The following SAXO1 variants were observed in gnomAD, a reference collection of about 807,000 sequenced individuals.
SAXO1 encodes the protein stabilizer of axonemal microtubules 1.
Under a neutral mutation model 17.5 loss-of-function variants are expected in SAXO1, and 21 were observed. The observed-to-expected ratio is 1.20, with a 90% confidence interval of 0.85 to 1.72. The LOEUF (loss-of-function observed/expected upper bound fraction) is 1.72, where lower values mean the gene tolerates loss of function less well. Among genes scored for constraint, SAXO1 ranks in the 40% most tolerant of loss-of-function variants. The pLI, the probability that SAXO1 is intolerant of heterozygous loss-of-function variation, is 0.00. For synonymous variants in SAXO1, 274 were observed against 216.5 expected, an observed-to-expected ratio of 1.27 and a Z score of -2.33; for missense variants, 843 against 596.0, an observed-to-expected ratio of 1.41 and a Z score of -4.32.
chr9:19,039,856 G>T (rs1416407330), intron 1 of SAXO1, among the ~76,000 whole-genome samples: 2 of 152,120 alleles, frequency 1.3e-5, no homozygotes, highest in African/African-American at 4.8e-5. Flanking sequence ...AGCCTCCCCA[G>T]TAGGTGGGAT....
chr9:18,969,392 C>T lies in SAXO1; in HGVS notation c.39-18455G>A, dbSNP rs1458414365. On this transcript the variant is annotated intron_variant, in intron 1 of 3. Transcript: ENST00000380534. ...AAGCAATCTAGGACCCTGTGAATTT[C>T]GGATGAAACCCAACAGCTGTGCTAA... 2.0e-5 allele frequency among the ~76,000 whole-genome samples: 3 copies of T among 152,136 alleles called. No homozygotes were observed. In the East Asian group the frequency reaches 5.8e-4, roughly 29 times the overall value.
chr9:18,997,830 T>C (rs1834072182), intron 1 of SAXO1, among the ~76,000 whole-genome samples: 1 of 152,186 alleles, frequency 6.6e-6, no homozygotes, highest in African/African-American at 2.4e-5. Context: ...GGCAAACAAG[T>C]TCTGGAGTGG....
intron 1 of SAXO1, among the ~76,000 whole-genome samples, chr9:18,961,676 T>C (rs541218410): frequency 1.3e-5 from 2 of 152,330 alleles, no homozygotes; most frequent in South Asian, 4.1e-4. Flanking sequence ...CTCGTACTTT[T>C]TTATGGCTGC....
At chr9:18,933,977 C>T (rs532255550) in intron 3 of SAXO1, among the ~76,000 whole-genome samples, 22 of 152,230 alleles carry the variant, frequency 1.4e-4, no homozygotes, top group East Asian at 1.2e-3. Context: ...ACCCGGGAGG[C>T]GGAGCTTGCA....
chr9:18,972,860 A>G (rs1327565025), intron 1 of SAXO1, among the ~76,000 whole-genome samples: 1 of 152,210 alleles, frequency 6.6e-6, no homozygotes, highest in East Asian at 1.9e-4. Flanking sequence ...GCCTAAGGCC[A>G]TGGCCATTTC....
intron 1 of SAXO1, among the ~76,000 whole-genome samples, chr9:19,029,737 A>G (rs796835225): frequency 4.6e-5 from 7 of 152,290 alleles, no homozygotes; most frequent in African/African-American, 1.7e-4. Flanking sequence ...AGCACTTGAC[A>G]TGTGGCTTGT....
At chr9:19,007,012 T>A (rs558841561) in intron 1 of SAXO1, among the ~76,000 whole-genome samples, 13 of 151,288 alleles carry the variant, frequency 8.6e-5, no homozygotes, top group Admixed American at 5.9e-4. Context: ...ACCACTGCAC[T>A]CCAGCCTGGG....
At chr9:18,929,192 G>T in intron 3 of SAXO1, 137 bp from the exon 4 acceptor site, 1 of 968,338 alleles carries the variant, frequency 1.0e-6, no homozygotes, top group Non-Finnish European at 1.5e-6. Context: ...GCACATCCCT[G>T]CTACCACTTC....
At chr9:19,048,804 T>C (rs1329795848) in intron 1 of SAXO1, among the ~76,000 whole-genome samples, 1 of 152,252 alleles carries the variant, frequency 6.6e-6, no homozygotes, top group Non-Finnish European at 1.5e-5. Flanking sequence ...ACATTATCAT[T>C]TCCTCGAGCT....
At chr9:19,023,345 A>G (rs1835328976) in intron 1 of SAXO1, among the ~76,000 whole-genome samples, 1 of 152,056 alleles carries the variant, frequency 6.6e-6, no homozygotes, top group South Asian at 2.1e-4. Context: ...TGCTTATTTA[A>G]TAACATCTAC....
In SAXO1 at chr9:19,031,324, G is replaced by A. The variant is rs190481421; in HGVS notation, c.38+1547C>T. Among the ~76,000 whole-genome samples, 166 of 152,236 alleles carry A rather than the reference G, an allele frequency of 1.1e-3. 1 individual carries two copies. The highest frequency in any genetic ancestry group is 3.4e-3 in the African/African-American group (141 of 41,490). ...TGCCTGTAATCCCAGCACTTTGGGA[G>A]GCCGAGGCAGGCGATCACCTGAGAT... On this transcript the variant is annotated intron_variant, in intron 1 of 3. Coordinates refer to ENST00000380534, the MANE Select transcript of SAXO1 (RefSeq NM_153707.4).
chr9:19,040,205 G>A (rs1337535327), intron 1 of SAXO1, among the ~76,000 whole-genome samples: 1 of 152,168 alleles, frequency 6.6e-6, no homozygotes, highest in Non-Finnish European at 1.5e-5. Flanking sequence ...TAAGGGTAGA[G>A]TTTACATGCT....
At chr9:18,982,378 G>C (rs374647722) in intron 1 of SAXO1, among the ~76,000 whole-genome samples, 1 of 152,168 alleles carries the variant, frequency 6.6e-6, no homozygotes, top group Admixed American at 6.5e-5. Context: ...GAAGGTGTCC[G>C]AGGGAGACCA....
chr9:18,996,156 C>A lies in SAXO1; in HGVS notation c.38+36715G>T, dbSNP rs144437522. On this transcript the variant is annotated intron_variant, in intron 1 of 3. Transcript: ENST00000380534. ...CAAAAGTAGAAATCATTTAATGAATCCCCAAATAAGTATCATCCATTCCTC... is the reference window on the plus strand; with the variant it reads ...CAAAAGTAGAAATCATTTAATGAATACCCAAATAAGTATCATCCATTCCTC... Among the ~76,000 whole-genome samples the A allele has an allele frequency of 1.6e-3, 246 of 152,060 alleles. 1 individual carries two copies. The highest frequency in any genetic ancestry group is 5.8e-3 in the African/African-American group (239 of 41,476).
chr9:18,994,337 A>C (rs542867966), intron 1 of SAXO1, among the ~76,000 whole-genome samples: 32 of 152,336 alleles, frequency 2.1e-4, no homozygotes, highest in African/African-American at 7.7e-4. Context: ...TGGATGGGTT[A>C]AAGTTACTGT....
At chr9:18,982,029 G>C (rs917048076) in intron 1 of SAXO1, among the ~76,000 whole-genome samples, 1 of 152,066 alleles carries the variant, frequency 6.6e-6, no homozygotes, top group African/African-American at 2.4e-5. Context: ...ACGCCAGAGC[G>C]ACCAGTACCC....
At chr9:18,984,562 T>C (rs1354519602) in intron 1 of SAXO1, among the ~76,000 whole-genome samples, 3 of 152,244 alleles carry the variant, frequency 2.0e-5, no homozygotes, top group Admixed American at 2.0e-4. Context: ...AGAAGGCTTC[T>C]TTCCTTAAAC....
chr9:18,960,039 G>A (rs1025596088), intron 1 of SAXO1, among the ~76,000 whole-genome samples: 1 of 152,222 alleles, frequency 6.6e-6, no homozygotes, highest in African/African-American at 2.4e-5. Context: ...GCAAGAGCCA[G>A]AGCTGAGGGA....
intron 1 of SAXO1, among the ~76,000 whole-genome samples, chr9:19,000,254 AACTG>A (rs1834203695): frequency 1.3e-5 from 1 of 75,494 alleles, no homozygotes; most frequent in Non-Finnish European, 2.7e-5. Context: ...CCGGCCACCC[AACTG>A]ACTGGGACGT....
Sources: gnomAD v4.1 joint callset for allele counts (sites outside exome capture counted in the v4.1 genomes callset) on GRCh38, gnomAD v4.1.1 for gene constraint, MANE v1.5 for transcripts, NCBI Gene and HGNC (gene_info 2026-07-23, HGNC 2026-07-21) for gene names.